The following MPRIP variants were observed in gnomAD, a reference collection of about 807,000 sequenced individuals.
MPRIP encodes myosin phosphatase Rho interacting protein, also known as myosin phosphatase Rho-interacting protein.
A neutral mutation model predicts 234.9 loss-of-function variants in MPRIP; 59 were observed. That is an observed-to-expected ratio of 0.25 (90% confidence interval 0.20 to 0.31). The LOEUF is 0.31. MPRIP is among the 10% of genes least tolerant of loss of function. The pLI, the probability that MPRIP is intolerant of heterozygous loss-of-function variation, is 1.00. For synonymous variants in MPRIP, 1,144 were observed against 1,263.9 expected (o/e 0.91, Z 2.01); for missense variants, 2,436 against 3,071.0 (o/e 0.79, Z 4.89).
chr17:17,120,546 C>T (rs1597837628), intron 3 of MPRIP, among the ~76,000 whole-genome samples: 1 of 152,156 alleles, frequency 6.6e-6, no homozygotes, highest in Non-Finnish European at 1.5e-5. Context: ...AAACAATCTG[C>T]AGCCTGTAGC....
chr17:17,147,465 T>A, intron 11 of MPRIP, 78 bp downstream of exon 11: 1 of 1,361,606 alleles, frequency 7.3e-7, no homozygotes, highest in Non-Finnish European at 1.1e-6. Context: ...TAGATCTGCT[T>A]CCCCCTGGGC....
At chr17:17,175,738 G>C (rs948705591) in intron 20 of MPRIP, among the ~76,000 whole-genome samples, 1 of 152,252 alleles carries the variant, frequency 6.6e-6, no homozygotes, top group Non-Finnish European at 1.5e-5. Context: ...GGCTGCTGCA[G>C]CTCAGGTCAG....
chr17:17,142,400 A>C, intron 7 of MPRIP: 1 of 494,188 alleles, frequency 2.0e-6, no homozygotes. Flanking sequence ...CAGGGCCTCT[A>C]GCGCGGGGGC....
At chr17:17,132,363 C>T (rs549677013) in intron 5 of MPRIP, among the ~76,000 whole-genome samples, 1 of 152,342 alleles carries the variant, frequency 6.6e-6, no homozygotes, top group South Asian at 2.1e-4. Context: ...CAAAGCAGGC[C>T]TGTTGCTGCC....
chr17:17,073,381 C>T (rs147263396), intron 1 of MPRIP, among the ~76,000 whole-genome samples: 5 of 152,314 alleles, frequency 3.3e-5, no homozygotes, highest in African/African-American at 4.8e-5. Flanking sequence ...GGTTTGCTGA[C>T]GATGCCTGGG....
rs954060809 is a variant in MPRIP at position 17,142,853 on chromosome 17, C to T, written c.1389+88C>T. ...ATGCGCCAAGTCCCCTCCACACAGGCCTGGGATGTGCTCCTGCCAGGCTTC... is the reference window on the plus strand; with the variant it reads ...ATGCGCCAAGTCCCCTCCACACAGGTCTGGGATGTGCTCCTGCCAGGCTTC... On this transcript the variant is annotated intron_variant, in intron 8 of 23. Transcript: ENST00000651222. 4.8e-6 allele frequency: 7 copies of T among 1,448,656 alleles called. No individual in the cohort carries two copies. In the Admixed American group the frequency reaches 1.3e-4, roughly 26 times the overall value. 89.7% of individuals were successfully genotyped at this position (1,448,656 alleles called of 1,614,324 possible).
intron 3 of MPRIP, among the ~76,000 whole-genome samples, chr17:17,106,254 G>A (rs1419731289): frequency 6.6e-6 from 1 of 152,178 alleles, no homozygotes; most frequent in East Asian, 1.9e-4. Context: ...TGGGTGAAAG[G>A]CAACTGGATT....
rs996280117 is a variant in MPRIP, at chr17:17,147,232, C to T, written c.1561-87C>T. The T allele has an allele frequency of 5.3e-6, 7 of 1,318,954 alleles. No individual in the cohort carries two copies. The East Asian group carries it at 1.6e-4, about 31-fold the overall frequency. The allele number at this position is 1,318,954 out of a possible 1,614,324, so 81.7% of individuals were successfully genotyped here. Reference sequence around the variant, plus strand: ...TTCCCTGTGCTCTGGGAGGGCCCCACAGGCTCTGGCTGCGCACCGCCGTGG... The same window carrying T: ...TTCCCTGTGCTCTGGGAGGGCCCCATAGGCTCTGGCTGCGCACCGCCGTGG... On this transcript the variant is annotated intron_variant, in intron 10 of 23. Transcript: ENST00000651222.
rs1010232113 is a variant in MPRIP at position 17,164,428 on chromosome 17, C to T, written c.2837C>T (p.Ala946Val). ...EQLEERQHSE[A>V]ALSSQLRASE... The stretch of plus-strand genomic sequence containing the variant: ...CTGGAGGAGCGGCAACACAGCGAGG[C>T]GGCGCTGAGCAGCCAGCTGAGGGCT... Residue 946 changes from alanine (A) to valine (V), a missense_variant, in exon 16 of 24, where the codon GCG (alanine) becomes GTG (valine). Physicochemically the swap from Ala to Val is moderately conservative, Grantham distance 64. Coordinates refer to ENST00000651222, the MANE Select transcript of MPRIP (RefSeq NM_001364716.4). 12 of 1,266,304 alleles carry T rather than the reference C, an allele frequency of 9.5e-6. No homozygotes were observed. Among genetic ancestry groups the T allele is most frequent in the Middle Eastern group, 3.4e-4 (1 of 2,970 alleles). 78.4% of individuals were successfully genotyped at this position (1,266,304 alleles called of 1,614,324 possible).
chr17:17,115,581 G>A (rs1198348086), intron 3 of MPRIP, among the ~76,000 whole-genome samples: 1 of 152,216 alleles, frequency 6.6e-6, no homozygotes, highest in African/African-American at 2.4e-5. Flanking sequence ...CATTGTCTTT[G>A]AGGATATTCA....
chr17:17,097,102 A>G lies in MPRIP; in HGVS notation c.267+19026A>G, dbSNP rs566349720. On this transcript the variant is annotated intron_variant, in intron 3 of 23. Coordinates refer to ENST00000651222, the MANE Select transcript of MPRIP (RefSeq NM_001364716.4). ...CACATGCAAAAGGCAGGATCAGCCA[A>G]AGCAGAGGGGCTGAAGAAGCAGTGA... 7 of 187,966 alleles carry G rather than the reference A, an allele frequency of 3.7e-5. No individual in the cohort carries two copies. In the South Asian group the frequency reaches 7.4e-4, roughly 20 times the overall value. 11.6% of individuals were successfully genotyped at this position (187,966 alleles called of 1,614,324 possible). A position where few individuals can be genotyped will look rare whatever the true frequency, so the allele number is the denominator to read the frequency against.
chr17:17,112,733 G>C (rs376162008), intron 3 of MPRIP, among the ~76,000 whole-genome samples: 139 of 152,380 alleles, frequency 9.1e-4, no homozygotes, highest in African/African-American at 3.2e-3. Context: ...CAACTGGGCT[G>C]TGGGTTGGTG....
intron 1 of MPRIP, among the ~76,000 whole-genome samples, chr17:17,050,768 GTT>G (rs1361188484): frequency 6.6e-6 from 1 of 151,696 alleles, no homozygotes; most frequent in Non-Finnish European, 1.5e-5. Context: ...CAGAGGCAGA[GTT>G]TAGGGGCAGA....
At position 17,192,427 on chromosome 17, in the gene MPRIP, T is replaced by TTGGGGGGGGGGGGG. The variant is rs56270914; in HGVS notation, c.*7533_*7534insTGGGGGGGGGGGGG. The TTGGGGGGGGGGGGG allele has an allele frequency of 2.1e-4, 1 of 4,814 alleles. No individual in the cohort carries two copies. Among genetic ancestry groups the TTGGGGGGGGGGGGG allele is most frequent in the African/African-American group, 4.2e-4 (1 of 2,358 alleles). The allele number at this position is 4,814 out of a possible 1,614,324, so 0.3% of individuals were successfully genotyped here. A position where few individuals can be genotyped will look rare whatever the true frequency, so the allele number is the denominator to read the frequency against. On this transcript the variant is annotated 3_prime_UTR_variant, in exon 24 of 24. Coordinates refer to ENST00000651222, the MANE Select transcript of MPRIP (RefSeq NM_001364716.4). Reference sequence around the variant, plus strand: ...ACCAGCTGAGCTGCTGCTTTTTTTTTGGGGGGGGGGGGGGGAGGGGCGTCT... The same window carrying TTGGGGGGGGGGGGG: ...ACCAGCTGAGCTGCTGCTTTTTTTTTTGGGGGGGGGGGGGGGGGGGGGGGGGGGGAGGGGCGTCT...
chr17:17,065,640 A>G (rs1356843493), intron 1 of MPRIP, among the ~76,000 whole-genome samples: 1 of 152,134 alleles, frequency 6.6e-6, no homozygotes, highest in Non-Finnish European at 1.5e-5. Flanking sequence ...TTAAATTAAA[A>G]ATATTCTAGT....
chr17:17,050,341 G>T (rs1182897109), intron 1 of MPRIP, among the ~76,000 whole-genome samples: 5 of 148,834 alleles, frequency 3.4e-5, no homozygotes, highest in Non-Finnish European at 7.4e-5. Context: ...AAAAAGAGGT[G>T]AAATTAATTT....
At chr17:17,131,503 C>G in intron 4 of MPRIP, 114 bp from the exon 5 acceptor site, 1 of 816,668 alleles carries the variant, frequency 1.2e-6, no homozygotes, top group Non-Finnish European at 2.0e-6. Context: ...GCGTAGCAGT[C>G]TGTCACTGGG....
At chr17:17,087,005 A>T (rs944506002) in intron 3 of MPRIP, among the ~76,000 whole-genome samples, 5 of 152,290 alleles carry the variant, frequency 3.3e-5, no homozygotes, top group Middle Eastern at 3.4e-3. Flanking sequence ...CGGAACTGTT[A>T]GGCAGGGGCA....
Position 17,167,004 on chromosome 17 carries a change from C to T in MPRIP, c.5413C>T (p.Pro1805Ser). Reference sequence around the variant, plus strand: ...AGCGGCTGCCTTACCATCTCTGCCACCTGTGGAATCGCTGAGAGATTGCCA... The same window carrying T: ...AGCGGCTGCCTTACCATCTCTGCCATCTGTGGAATCGCTGAGAGATTGCCA... ...EIAAALPSLP[P>S]VESLRDCQKL... The change falls in exon 16 of 24, where the codon CCT becomes TCT. Residue 1805 changes from proline (P) to serine (S), a missense_variant. By Grantham distance (74) the Pro-to-Ser change is moderately conservative (BLOSUM62 -1). This residue lies in a region of MPRIP where 1,998 missense variants were observed against 2,520.3 expected (regional missense o/e 0.79). Coordinates refer to ENST00000651222, the MANE Select transcript of MPRIP (RefSeq NM_001364716.4). The surrounding 1 kb of genome is among the most constrained non-coding windows in gnomAD (Gnocchi z 5.9). 2 of 1,304,216 alleles carry T rather than the reference C, an allele frequency of 1.5e-6. No individual in the cohort carries two copies. The highest frequency in any genetic ancestry group is 3.0e-5 in the African/African-American group (2 of 65,970). The allele number at this position is 1,304,216 out of a possible 1,614,324, so 80.8% of individuals were successfully genotyped here. A position where few individuals can be genotyped will look rare whatever the true frequency, so the allele number is the denominator to read the frequency against.
Sources: allele counts gnomAD v4.1 joint callset (sites outside exome capture counted in the v4.1 genomes callset), GRCh38; gene constraint gnomAD v4.1.1; regional missense constraint gnomAD v4.1.1; non-coding constraint Gnocchi (gnomAD v3.1); transcripts MANE v1.5; gene names NCBI Gene and HGNC (gene_info 2026-07-23, HGNC 2026-07-21).